HAO1: variants seen among roughly 807,000 people sequenced by gnomAD.
HAO1 encodes the protein 2-Hydroxyacid oxidase 1.
A neutral mutation model predicts 39.7 loss-of-function variants in HAO1; 34 were observed. The ratio of observed to expected loss-of-function variants is 0.86; its 90% CI spans 0.65 to 1.14. HAO1 has a LOEUF of 1.14. Ranked by LOEUF, HAO1 falls within the 50% of genes most tolerant of loss-of-function variation. The probability of loss-of-function intolerance (pLI) is 0.00; values close to 1 mark genes in which losing one functional copy is unlikely to be tolerated. For synonymous variants in HAO1, 172 were observed against 173.2 expected (o/e 0.99, Z 0.05); for missense variants, 479 against 464.5 (o/e 1.03, Z -0.29).
intron 5 of HAO1, among the ~76,000 whole-genome samples, chr20:7,886,824 A>G (rs906768534): frequency 6.6e-6 from 1 of 152,172 alleles, no homozygotes; most frequent in Non-Finnish European, 1.5e-5. Flanking sequence ...GTAGAATGCC[A>G]TTTCTGAGCA....
intron 2 of HAO1, among the ~76,000 whole-genome samples, chr20:7,932,878 T>C (rs1379251473): frequency 6.6e-6 from 1 of 152,214 alleles, no homozygotes; most frequent in African/African-American, 2.4e-5. Context: ...TAACATCACA[T>C]GGAATTTACA....
At chr20:7,928,916 T>A (rs905680755) in intron 2 of HAO1, among the ~76,000 whole-genome samples, 1 of 152,200 alleles carries the variant, frequency 6.6e-6, no homozygotes, top group Admixed American at 6.5e-5. Flanking sequence ...TCAAGATTTC[T>A]GGCTTCTTAA....
At chr20:7,921,195 A>C (rs1448290020) in intron 2 of HAO1, among the ~76,000 whole-genome samples, 1 of 152,200 alleles carries the variant, frequency 6.6e-6, no homozygotes. Context: ...AAATATTTGC[A>C]TACTATGCAT....
In HAO1 at chr20:7,906,320, A is replaced by C. The variant is rs149114100; in HGVS notation, c.555T>G (p.Asn185Lys). The change falls in exon 4 of 8, where the codon AAT becomes AAG. Residue 185 changes from asparagine to lysine, a missense_variant. Asn to Lys is a moderately conservative substitution (Grantham distance 94, BLOSUM62 0). Transcript: ENST00000378789. ...FKLPPQLRMK[N>K]FETSTLSFSP... ...AAAATGATAAAGTACTGGTTTCAAA[A>C]TTTTTCATCCTAAAATAAGAAATGC... 6.3e-7 allele frequency: 1 copy of C among 1,593,476 alleles called. No homozygotes were observed. Among genetic ancestry groups the C allele is most frequent in the Non-Finnish European group, 8.6e-7 (1 of 1,164,452 alleles).
chr20:7,884,536 T>C (rs79552090), intron 7 of HAO1, among the ~76,000 whole-genome samples: 3,938 of 152,202 alleles, frequency 0.026, 80 homozygotes, highest in Middle Eastern at 0.088. Context: ...TGTGAACACA[T>C]GAAAGATGAG....
At chr20:7,912,766 T>C (rs2050286188) in intron 3 of HAO1, among the ~76,000 whole-genome samples, 1 of 152,132 alleles carries the variant, frequency 6.6e-6, no homozygotes, top group South Asian at 2.1e-4. Context: ...TGTGGAACAG[T>C]TTTATTGGCC....
At chr20:7,936,323 C>A (rs2050409817) in intron 1 of HAO1, among the ~76,000 whole-genome samples, 1 of 152,078 alleles carries the variant, frequency 6.6e-6, no homozygotes, top group South Asian at 2.1e-4. Context: ...GGGGGAGAAG[C>A]AGAAGCCTTG....
At chr20:7,906,596 A>C (rs2050249430) in intron 3 of HAO1, among the ~76,000 whole-genome samples, 1 of 152,164 alleles carries the variant, frequency 6.6e-6, no homozygotes, top group Non-Finnish European at 1.5e-5. Flanking sequence ...AGAAAAAAAA[A>C]TGTGTTCATA....
Position 7,914,286 on chromosome 20 carries a change from C to T in HAO1, c.423G>A (p.Lys141=), listed in dbSNP as rs777790221. ...LYIYKDREVT[K]KLVRQAEKMG... Reference sequence around the variant, plus strand: ...TCTTCTCTGCCTGCCGCACTAGCTTCTTGGTGACTTCTCGGTCCTTGTAGA... The same window carrying T: ...TCTTCTCTGCCTGCCGCACTAGCTTTTTGGTGACTTCTCGGTCCTTGTAGA... The change falls in exon 3 of 8, where the codon AAG becomes AAA. Residue 141 remains lysine, a synonymous_variant. Coordinates refer to ENST00000378789, the MANE Select transcript of HAO1 (RefSeq NM_017545.3). 4 of 1,614,056 alleles carry T rather than the reference C, an allele frequency of 2.5e-6. No individual in the cohort carries two copies. The highest frequency in any genetic ancestry group is 1.7e-4 in the Middle Eastern group (1 of 6,060).
In HAO1 at chr20:7,940,347, A is replaced by C; in HGVS notation, c.76T>G (p.Tyr26Asp). The change falls in exon 1 of 8, where the codon TAT becomes GAT. Residue 26 changes from tyrosine to aspartate, a missense_variant. By Grantham distance (160) the Tyr-to-Asp change is radical. Coordinates refer to ENST00000378789, the MANE Select transcript of HAO1 (RefSeq NM_017545.3). ...TCATCATTTGCCCCAGACCTGTAAT[A>C]GTCATATATAGACTTTGGAAGTACT... ...KSVLPKSIYD[Y>D]YRSGANDEET... The C allele has an allele frequency of 6.2e-7, 1 of 1,611,362 alleles. No individual in the cohort carries two copies. The highest frequency in any genetic ancestry group is 8.5e-7 in the Non-Finnish European group (1 of 1,178,078).
At chr20:7,922,329 AC>A (rs2050337319) in intron 2 of HAO1, among the ~76,000 whole-genome samples, 1 of 152,064 alleles carries the variant, frequency 6.6e-6, no homozygotes. Context: ...AGAAAAGGGA[AC>A]CCTTGTGGAG....
chr20:7,904,959 A>G (rs141789156), intron 4 of HAO1, among the ~76,000 whole-genome samples: 3 of 152,318 alleles, frequency 2.0e-5, no homozygotes, highest in Middle Eastern at 3.4e-3. Flanking sequence ...AACCAAACCA[A>G]TACATATTCA....
At chr20:7,924,124 G>A (rs182432045) in intron 2 of HAO1, among the ~76,000 whole-genome samples, 60 of 152,208 alleles carry the variant, frequency 3.9e-4, no homozygotes, top group African/African-American at 1.4e-3. Context: ...GAATTAAACT[G>A]TGTTCGCATA....
At chr20:7,885,660 A>G (rs200962548) in intron 6 of HAO1, 46 bp downstream of exon 6, 1 of 1,572,588 alleles carries the variant, frequency 6.4e-7, no homozygotes, top group East Asian at 2.2e-5. Flanking sequence ...CATTTGTTTT[A>G]CTGTCAAGTT....
chr20:7,914,686 T>C (rs1373604777), intron 2 of HAO1, among the ~76,000 whole-genome samples: 1 of 152,226 alleles, frequency 6.6e-6, no homozygotes, highest in East Asian at 1.9e-4. Flanking sequence ...TTGTATATTG[T>C]TCCTGAAGAA....
chr20:7,894,256 G>C (rs2050186858), intron 5 of HAO1, among the ~76,000 whole-genome samples: 1 of 152,088 alleles, frequency 6.6e-6, no homozygotes, highest in Non-Finnish European at 1.5e-5. Context: ...TCTGCCCTAA[G>C]TGCCTCTGTC....
At chr20:7,937,095 G>C in intron 1 of HAO1, among the ~76,000 whole-genome samples, 1 of 152,020 alleles carries the variant, frequency 6.6e-6, no homozygotes, top group East Asian at 1.9e-4. Context: ...AAGGAAGCGG[G>C]GTAACGGGGA....
intron 2 of HAO1, among the ~76,000 whole-genome samples, chr20:7,931,011 C>T (rs1462408506): frequency 6.6e-6 from 1 of 152,166 alleles, no homozygotes; most frequent in Non-Finnish European, 1.5e-5. Flanking sequence ...TTTCTGGATA[C>T]ACCTAAATAT....
chr20:7,921,207 C>A (rs1405296655), intron 2 of HAO1, among the ~76,000 whole-genome samples: 1 of 151,936 alleles, frequency 6.6e-6, no homozygotes, highest in African/African-American at 2.4e-5. Context: ...ACTATGCATC[C>A]AACAAAGGTC....
Sources: gnomAD v4.1 joint callset for allele counts (sites outside exome capture counted in the v4.1 genomes callset) on GRCh38, gnomAD v4.1.1 for gene constraint, MANE v1.5 for transcripts, NCBI Gene and HGNC (gene_info 2026-07-23, HGNC 2026-07-21) for gene names.